The following PCDH15 variants were observed in gnomAD, a reference collection of about 807,000 sequenced individuals.
PCDH15 encodes protocadherin-15.
In PCDH15, 129 loss-of-function variants were observed where a neutral mutation model predicts 178.5. The observed-to-expected ratio is 0.72, with a 90% confidence interval of 0.63 to 0.84. The LOEUF (loss-of-function observed/expected upper bound fraction) is 0.84. Ranked by LOEUF, PCDH15 falls within the 40% of genes least tolerant of loss-of-function variation. The probability of loss-of-function intolerance (pLI) is 0.00; values close to 1 mark genes in which losing one functional copy is unlikely to be tolerated. For synonymous variants in PCDH15, 800 were observed against 732.0 expected, an observed-to-expected ratio of 1.09 and a Z score of -1.50; for missense variants, 2,230 against 2,099.9, an observed-to-expected ratio of 1.06 and a Z score of -1.21.
At chr10:54,701,895 A>T (rs2095312446) in intron 1 of PCDH15, among the ~76,000 whole-genome samples, 1 of 152,100 alleles carries the variant, frequency 6.6e-6, no homozygotes, top group Non-Finnish European at 1.5e-5. Flanking sequence ...TAGACAGATA[A>T]TCAAGGCAGA....
intron 2 of PCDH15, among the ~76,000 whole-genome samples, chr10:55,406,530 T>C (rs1396006571): frequency 1.3e-5 from 2 of 152,100 alleles, no homozygotes; most frequent in African/African-American, 4.8e-5. Context: ...GGACTGAGCA[T>C]GTAACAGCAT....
chr10:54,166,280 G>A (rs149657146), intron 13 of PCDH15, among the ~76,000 whole-genome samples: 1 of 152,254 alleles, frequency 6.6e-6, no homozygotes, highest in East Asian at 1.9e-4. Flanking sequence ...CAATAATTGT[G>A]ATGTTTTCTG....
chr10:54,105,652 C>A (rs7896303), intron 15 of PCDH15, among the ~76,000 whole-genome samples: 82,437 of 151,734 alleles, frequency 0.54, 23,330 homozygotes, highest in Middle Eastern at 0.65. Context: ...AGCCCACTAA[C>A]TCAAATGTTA....
chr10:55,341,694 C>G (rs1456881678), intron 2 of PCDH15, among the ~76,000 whole-genome samples: 1 of 143,976 alleles, frequency 6.9e-6, no homozygotes, highest in African/African-American at 2.5e-5. Flanking sequence ...CTCAGCCTCC[C>G]GAGTAGCTGG....
At position 55,124,951 on chromosome 10, in the gene PCDH15, C is replaced by T. The variant is rs190585502; in HGVS notation, c.-80+41625G>A. On this transcript the variant is annotated intron_variant, in intron 2 of 5. Transcript: ENST00000458638. ...TCATTACAAATTCTTTCCATCAGGA[C>T]TCTAGGACTTTAGGTGACACAAAAG... Among the ~76,000 whole-genome samples, 266 of 152,020 alleles carry T rather than the reference C, an allele frequency of 1.7e-3. 3 individuals are homozygous for T. The highest frequency in any genetic ancestry group is 2.4e-3 in the Non-Finnish European group (162 of 67,954).
At chr10:55,402,799 C>T (rs11004833) in intron 2 of PCDH15, among the ~76,000 whole-genome samples, 30,265 of 151,772 alleles carry the variant, frequency 0.2, 3,995 homozygotes, top group Non-Finnish European at 0.29. Flanking sequence ...TGCAGGTGTC[C>T]CTTTGATATA....
intron 2 of PCDH15, among the ~76,000 whole-genome samples, chr10:55,397,423 G>A (rs1204290437): frequency 1.3e-5 from 2 of 152,038 alleles, no homozygotes; most frequent in Non-Finnish European, 2.9e-5. Context: ...AAAACATTTA[G>A]GTGTAAGTGA....
chr10:54,751,774 A>C (rs975923689), intron 1 of PCDH15, among the ~76,000 whole-genome samples: 2 of 152,208 alleles, frequency 1.3e-5, no homozygotes, highest in African/African-American at 4.8e-5. Flanking sequence ...TCTGTAATAC[A>C]TAAGAAGAAA....
chr10:54,774,267 ATCTG>A (rs1261461099), intron 1 of PCDH15, among the ~76,000 whole-genome samples: 1 of 151,814 alleles, frequency 6.6e-6, no homozygotes, highest in Non-Finnish European at 1.5e-5. Context: ...TGACCTCGTG[ATCTG>A]TCTGCCTCGG....
At chr10:55,618,447 G>A (rs939425483) in intron 2 of PCDH15, among the ~76,000 whole-genome samples, 2 of 151,964 alleles carry the variant, frequency 1.3e-5, no homozygotes, top group Admixed American at 6.6e-5. Flanking sequence ...TATTCATATA[G>A]TTTACCTTTC....
At chr10:53,885,059 T>A (rs760065811) in intron 26 of PCDH15, among the ~76,000 whole-genome samples, 55 of 152,260 alleles carry the variant, frequency 3.6e-4, no homozygotes, top group Admixed American at 1.6e-3. Flanking sequence ...AAAAATAAAT[T>A]TTCTGCCATT....
At chr10:54,745,393 AAAG>A (rs1945326778) in intron 1 of PCDH15, among the ~76,000 whole-genome samples, 3 of 151,954 alleles carry the variant, frequency 2.0e-5, no homozygotes, top group African/African-American at 7.2e-5. Context: ...CATGAAAGTG[AAAG>A]TGATCTAATC....
intron 2 of PCDH15, among the ~76,000 whole-genome samples, chr10:55,448,998 A>T (rs1014444405): frequency 2.6e-5 from 4 of 152,060 alleles, no homozygotes; most frequent in African/African-American, 7.2e-5. Context: ...CTCATACTTT[A>T]TATTTAATCC....
chr10:54,053,543 T>G (rs1010047551), intron 18 of PCDH15, among the ~76,000 whole-genome samples: 3 of 152,132 alleles, frequency 2.0e-5, no homozygotes, highest in Non-Finnish European at 4.4e-5. Flanking sequence ...TATAGGAAAG[T>G]TCACAAAAGA....
intron 1 of PCDH15, among the ~76,000 whole-genome samples, chr10:54,755,617 ATAC>A (rs1354365765): frequency 6.6e-6 from 1 of 152,166 alleles, no homozygotes; most frequent in African/African-American, 2.4e-5. Flanking sequence ...TAAAATAAAG[ATAC>A]TAGAGATCTT....
At chr10:54,978,864 G>T (rs1459955988) in intron 2 of PCDH15, among the ~76,000 whole-genome samples, 1 of 151,962 alleles carries the variant, frequency 6.6e-6, no homozygotes, top group South Asian at 2.1e-4. Context: ...ATCTACATGA[G>T]GTATACATGT....
At chr10:54,481,491 A>G (rs2078713817) in intron 3 of PCDH15, among the ~76,000 whole-genome samples, 1 of 151,822 alleles carries the variant, frequency 6.6e-6, no homozygotes, top group Non-Finnish European at 1.5e-5. Flanking sequence ...ATGCAAATAA[A>G]CATTCACAAT....
intron 12 of PCDH15, 58 bp downstream of exon 12, chr10:54,185,076 C>T: frequency 1.9e-6 from 3 of 1,586,078 alleles, no homozygotes; most frequent in Admixed American, 1.7e-5. Flanking sequence ...CAGTTCCATA[C>T]AAACATACAT....
intron 3 of PCDH15, among the ~76,000 whole-genome samples, chr10:54,849,685 G>T (rs932403110): frequency 3.3e-5 from 5 of 152,044 alleles, no homozygotes; most frequent in African/African-American, 9.7e-5. Context: ...TATTATGTTG[G>T]TGCAAATAAT....
Sources: allele counts gnomAD v4.1 joint callset (sites outside exome capture counted in the v4.1 genomes callset), GRCh38; gene constraint gnomAD v4.1.1; transcripts MANE v1.5; gene names NCBI Gene and HGNC (gene_info 2026-07-23, HGNC 2026-07-21).